Variants in EFCAB13 observed in about 807,000 individuals in gnomAD.
EFCAB13 encodes the protein EF-hand calcium binding domain 13.
EFCAB13 carries 91 observed loss-of-function variants against 110.2 expected under a neutral mutation model. The ratio of observed to expected loss-of-function variants is 0.83; its 90% CI spans 0.70 to 0.98. The LOEUF (loss-of-function observed/expected upper bound fraction) is 0.98, where lower values mean the gene tolerates loss of function less well. Among genes scored for constraint, EFCAB13 ranks in the 50% least tolerant of loss-of-function variants. EFCAB13 has a pLI of 0.00. For synonymous variants in EFCAB13, 323 were observed against 369.9 expected, an observed-to-expected ratio of 0.87 and a Z score of 1.45; for missense variants, 968 against 1,119.4, an observed-to-expected ratio of 0.86 and a Z score of 1.93.
intron 14 of EFCAB13, among the ~76,000 whole-genome samples, chr17:47,386,979 A>T (rs1257958130): frequency 6.6e-6 from 1 of 151,458 alleles, no homozygotes. Context: ...CCACTGCCCA[A>T]CCAGTCCCAA....
intron 23 of EFCAB13, among the ~76,000 whole-genome samples, chr17:47,421,935 A>C (rs1031106298): frequency 6.6e-6 from 1 of 152,206 alleles, no homozygotes; most frequent in Non-Finnish European, 1.5e-5. Context: ...GTTTAGAAGC[A>C]GGAAGAACAT....
rs1905310551 is a variant in EFCAB13 at position 47,440,939 on chromosome 17, T to C, written c.*225T>C. 8.8e-6 allele frequency: 3 copies of C among 341,602 alleles called. No homozygotes were observed. The highest frequency in any genetic ancestry group is 1.1e-5 in the Non-Finnish European group (2 of 189,414). The allele number at this position is 341,602 out of a possible 1,614,324, so 21.2% of individuals were successfully genotyped here. A position where few individuals can be genotyped will look rare whatever the true frequency, so the allele number is the denominator to read the frequency against. ...ATAATGTACATATGGCAAAATTCAC[T>C]CTTTTTAGGTATACAGTTCTTTGGA... On this transcript the variant is annotated 3_prime_UTR_variant, in exon 25 of 25. Coordinates refer to ENST00000331493, the MANE Select transcript of EFCAB13 (RefSeq NM_152347.5).
chr17:47,326,636 A>G (rs933683134), intron 3 of EFCAB13, among the ~76,000 whole-genome samples: 1 of 152,254 alleles, frequency 6.6e-6, no homozygotes, highest in Admixed American at 6.5e-5. Context: ...GATTAATGTC[A>G]GTTAAATAGT....
At chr17:47,356,012 C>T (rs191009197) in intron 9 of EFCAB13, among the ~76,000 whole-genome samples, 139 of 151,896 alleles carry the variant, frequency 9.2e-4, no homozygotes, top group Non-Finnish European at 1.4e-3. Context: ...GCACATTTTG[C>T]GTTTCTTTAA....
intron 17 of EFCAB13, among the ~76,000 whole-genome samples, chr17:47,401,490 G>A (rs977380327): frequency 1.3e-5 from 2 of 152,118 alleles, no homozygotes; most frequent in East Asian, 1.9e-4. Flanking sequence ...GTTTTCTGGT[G>A]TAGAATTTTT....
Position 47,435,743 on chromosome 17 carries a change from C to G in EFCAB13, c.2639-4688C>G, listed in dbSNP as rs1182626681. ...ACAATCATCATCTGCAAATAGTGAC[C>G]GTTTGACTTCCTCTTTACCAGTTTC... On this transcript the variant is annotated intron_variant, in intron 24 of 24. Transcript: ENST00000331493. Among the ~76,000 whole-genome samples, 3 of 151,762 alleles carry G rather than the reference C, an allele frequency of 2.0e-5. No homozygotes were observed. In the East Asian group the frequency reaches 5.8e-4, roughly 29 times the overall value.
chr17:47,412,832 G>A lies in EFCAB13; in HGVS notation c.2338G>A (p.Asp780Asn), dbSNP rs959842039. 8 of 1,613,716 alleles carry A rather than the reference G, an allele frequency of 5.0e-6. No individual in the cohort carries two copies. The highest frequency in any genetic ancestry group is 6.8e-6 in the Non-Finnish European group (8 of 1,179,862). Residue 780 changes from aspartate to asparagine, a missense_variant, in exon 22 of 25, where the codon GAT becomes AAT. Coordinates refer to ENST00000331493, the MANE Select transcript of EFCAB13 (RefSeq NM_152347.5). ...CGATAATGGCAAGATTGGTATACCT[G>A]ATTTGGAGCATGCCTTGAAATGTTT... ...HVDNGKIGIP[D>N]LEHALKCLNV...
In EFCAB13 at chr17:47,370,519, T is replaced by C; in HGVS notation, c.877+11T>C. 1 of 1,574,846 alleles carries C rather than the reference T, an allele frequency of 6.3e-7. No individual in the cohort carries two copies. Among genetic ancestry groups the C allele is most frequent in the Non-Finnish European group, 8.7e-7 (1 of 1,150,078 alleles). The stretch of plus-strand genomic sequence containing the variant: ...AGTATGAGGATGTTTGTAAGTGAGC[T>C]CTTGTTGCTATGACAAGTTTTGTTT... On this transcript the variant is annotated intron_variant, in intron 11 of 24. Coordinates refer to ENST00000331493, the MANE Select transcript of EFCAB13 (RefSeq NM_152347.5).
intron 5 of EFCAB13, among the ~76,000 whole-genome samples, chr17:47,335,975 T>C (rs12051664): frequency 0.021 from 3,241 of 152,308 alleles, 106 homozygotes; most frequent in East Asian, 0.18. Flanking sequence ...ATAAGTAAGC[T>C]ATAAGCTAAC....
chr17:47,438,796 T>G (rs1905258831), intron 24 of EFCAB13, among the ~76,000 whole-genome samples: 1 of 152,264 alleles, frequency 6.6e-6, no homozygotes, highest in South Asian at 2.1e-4. Context: ...TTCAGGTAAA[T>G]CAGGGATTTC....
chr17:47,440,560 A>T lies in EFCAB13; in HGVS notation c.2768A>T (p.Tyr923Phe), dbSNP rs752767186. 9 of 1,613,310 alleles carry T rather than the reference A, an allele frequency of 5.6e-6. No individual in the cohort carries two copies. The East Asian group carries it at 2.0e-4, about 36-fold the overall frequency. The change falls in exon 25 of 25, where the codon TAC (tyrosine) becomes TTC (phenylalanine). Residue 923 changes from tyrosine to phenylalanine, a missense_variant. Coordinates refer to ENST00000331493, the MANE Select transcript of EFCAB13 (RefSeq NM_152347.5). ...GATCTAGAAAGGCAAGCAGTGGTTT[A>T]CATGTTAAAAACAATACAGGATTCG... ...CPDLERQAVV[Y>F]MLKTIQDSIV...
At chr17:47,435,787 G>A (rs116849658) in intron 24 of EFCAB13, among the ~76,000 whole-genome samples, 108 of 152,054 alleles carry the variant, frequency 7.1e-4, no homozygotes, top group Non-Finnish European at 9.3e-4. Flanking sequence ...TCTTTCTCTT[G>A]CCATATTACT....
At chr17:47,395,236 C>T (rs2065730716) in intron 16 of EFCAB13, among the ~76,000 whole-genome samples, 1 of 152,174 alleles carries the variant, frequency 6.6e-6, no homozygotes, top group Admixed American at 6.5e-5. Context: ...TGGAGAAGAT[C>T]ACACAGCTGA....
At chr17:47,351,070 C>T (rs1362461462) in intron 9 of EFCAB13, among the ~76,000 whole-genome samples, 1 of 152,122 alleles carries the variant, frequency 6.6e-6, no homozygotes, top group Admixed American at 6.5e-5. Flanking sequence ...CCTTCCCACA[C>T]TTCCAAGTCT....
At chr17:47,353,863 G>T (rs1158744659) in intron 9 of EFCAB13, among the ~76,000 whole-genome samples, 4 of 151,434 alleles carry the variant, frequency 2.6e-5, no homozygotes, top group Admixed American at 2.6e-4. Context: ...TTTTTTTCTT[G>T]TTTCAGTTTC....
intron 17 of EFCAB13, among the ~76,000 whole-genome samples, chr17:47,399,375 A>G (rs1240012305): frequency 6.6e-6 from 1 of 152,164 alleles, no homozygotes; most frequent in Non-Finnish European, 1.5e-5. Flanking sequence ...AAAGGTATTT[A>G]GTTCTTATTT....
intron 9 of EFCAB13, among the ~76,000 whole-genome samples, chr17:47,357,935 A>G (rs1206404238): frequency 2.0e-5 from 3 of 151,274 alleles, no homozygotes; most frequent in Non-Finnish European, 4.4e-5. Context: ...TTACTTCCCT[A>G]TATTCCTTGA....
intron 17 of EFCAB13, among the ~76,000 whole-genome samples, chr17:47,397,886 T>C (rs1357583930): frequency 3.3e-5 from 5 of 151,296 alleles, no homozygotes; most frequent in Admixed American, 6.6e-5. Flanking sequence ...GAGGAGCGTC[T>C]CCACCCAGCA....
intron 9 of EFCAB13, among the ~76,000 whole-genome samples, chr17:47,357,575 C>T (rs1273413986): frequency 6.6e-6 from 1 of 152,178 alleles, no homozygotes; most frequent in African/African-American, 2.4e-5. Context: ...CCACCACGCC[C>T]AGCTAATTTT....
Sources: allele counts gnomAD v4.1 joint callset (sites outside exome capture counted in the v4.1 genomes callset), GRCh38; gene constraint gnomAD v4.1.1; transcripts MANE v1.5; gene names NCBI Gene and HGNC (gene_info 2026-07-23, HGNC 2026-07-21).